Variants in ARHGAP28 observed in about 807,000 individuals in gnomAD.
The protein encoded by ARHGAP28 is Rho GTPase activating protein 28.
Under a neutral mutation model 90.7 loss-of-function variants are expected in ARHGAP28, and 56 were observed. The observed-to-expected ratio is 0.62, with a 90% confidence interval of 0.50 to 0.77. The LOEUF is 0.77. Among genes scored for constraint, ARHGAP28 ranks in the 30% least tolerant of loss-of-function variants. The probability of loss-of-function intolerance (pLI) is 0.00; values close to 1 mark genes in which losing one functional copy is unlikely to be tolerated. For synonymous variants in ARHGAP28, 308 were observed against 323.3 expected (o/e 0.95, Z 0.51); for missense variants, 869 against 900.9 (o/e 0.96, Z 0.45).
At chr18:6,852,116 T>C (rs971052927) in intron 4 of ARHGAP28, among the ~76,000 whole-genome samples, 12 of 152,226 alleles carry the variant, frequency 7.9e-5, no homozygotes, top group African/African-American at 2.7e-4. Context: ...TATAATCTCA[T>C]TAATAGACAA....
At chr18:6,895,025 G>T in intron 15 of ARHGAP28, 134 bp downstream of exon 15, 1 of 880,600 alleles carries the variant, frequency 1.1e-6, no homozygotes. Flanking sequence ...GCACATAAAG[G>T]AATGGTAGAG....
intron 1 of ARHGAP28, among the ~76,000 whole-genome samples, chr18:6,765,403 G>T (rs911008004): frequency 2.6e-5 from 4 of 152,010 alleles, no homozygotes; most frequent in Admixed American, 1.3e-4. Context: ...ATAAGCTGTT[G>T]AATTTCTTGG....
At chr18:6,782,590 G>GTTT (rs1567945690) in intron 1 of ARHGAP28, among the ~76,000 whole-genome samples, 13 of 20,932 alleles carry the variant, frequency 6.2e-4, no homozygotes, top group Admixed American at 1.3e-3. Context: ...GCTAATTTTT[G>GTTT]TATTTTTTTT....
chr18:6,730,221 G>GTGTATATATATATATATA (rs146889070), intron 1 of ARHGAP28: 2 of 172,214 alleles, frequency 1.2e-5, no homozygotes, highest in African/African-American at 5.8e-5. Flanking sequence ...TAAGTCATGT[G>GTGTATATATATATATATA]TATATATATA....
At chr18:6,845,636 C>T (rs1410410307) in intron 3 of ARHGAP28, among the ~76,000 whole-genome samples, 1 of 152,310 alleles carries the variant, frequency 6.6e-6, no homozygotes, top group South Asian at 2.1e-4. Context: ...AATGTGTTCT[C>T]ATCATTCAGC....
At chr18:6,885,259 C>G (rs1487198474) in intron 11 of ARHGAP28, among the ~76,000 whole-genome samples, 1 of 152,158 alleles carries the variant, frequency 6.6e-6, no homozygotes, top group African/African-American at 2.4e-5. Context: ...ACCAGCGAAC[C>G]CTGCAGGAAA....
chr18:6,784,083 A>C (rs11660494), intron 1 of ARHGAP28, among the ~76,000 whole-genome samples: 3 of 151,956 alleles, frequency 2.0e-5, no homozygotes, highest in African/African-American at 7.2e-5. Flanking sequence ...TGAGTTTACT[A>C]TCTACTTTCT....
intron 3 of ARHGAP28, among the ~76,000 whole-genome samples, chr18:6,844,770 T>A (rs769192743): frequency 6.6e-6 from 1 of 151,910 alleles, no homozygotes; most frequent in African/African-American, 2.4e-5. Context: ...GAAAAAAAAA[T>A]TATTTCAAGA....
At chr18:6,886,989 A>G (rs1259790738) in intron 11 of ARHGAP28, among the ~76,000 whole-genome samples, 168 bp from the exon 12 acceptor site, 1 of 152,198 alleles carries the variant, frequency 6.6e-6, no homozygotes, top group Non-Finnish European at 1.5e-5. Flanking sequence ...GTTGATGGAC[A>G]GAGGCTCCTG....
intron 1 of ARHGAP28, among the ~76,000 whole-genome samples, chr18:6,788,213 T>C (rs1415249920): frequency 6.9e-6 from 1 of 145,366 alleles, no homozygotes; most frequent in Non-Finnish European, 1.6e-5. Flanking sequence ...GGAGATCTGG[T>C]TGTTCAAAAG....
At chr18:6,827,832 C>T (rs1200449511) in intron 2 of ARHGAP28, among the ~76,000 whole-genome samples, 3 of 151,642 alleles carry the variant, frequency 2.0e-5, no homozygotes, top group East Asian at 2.0e-4. Flanking sequence ...GATGGGGTCG[C>T]GGCCGGACAG....
At chr18:6,767,084 G>A (rs909962832) in intron 1 of ARHGAP28, among the ~76,000 whole-genome samples, 24 of 151,906 alleles carry the variant, frequency 1.6e-4, no homozygotes, top group African/African-American at 5.8e-4. Flanking sequence ...TTTTACTGGG[G>A]TTTTTTTAGT....
At chr18:6,829,795 C>A (rs1600223810) in intron 2 of ARHGAP28, among the ~76,000 whole-genome samples, 1 of 152,254 alleles carries the variant, frequency 6.6e-6, no homozygotes, top group East Asian at 1.9e-4. Flanking sequence ...TCGTTTATTT[C>A]TTTTTACTAT....
chr18:6,761,744 G>T (rs970548625), intron 1 of ARHGAP28, among the ~76,000 whole-genome samples: 3 of 152,188 alleles, frequency 2.0e-5, no homozygotes, highest in Admixed American at 1.3e-4. Flanking sequence ...CTGAATAGTG[G>T]TTTTCAACTT....
chr18:6,773,085 T>C (rs2056256591), intron 1 of ARHGAP28, among the ~76,000 whole-genome samples: 2 of 152,206 alleles, frequency 1.3e-5, no homozygotes, highest in South Asian at 4.1e-4. Context: ...TAATTAAATA[T>C]GTATTTGTTT....
At chr18:6,858,364 C>G (rs2056970643) in intron 4 of ARHGAP28, among the ~76,000 whole-genome samples, 2 of 152,086 alleles carry the variant, frequency 1.3e-5, no homozygotes, top group Admixed American at 1.3e-4. Flanking sequence ...TTTATCTTAT[C>G]AAACCAATCC....
At chr18:6,841,152 C>CTCTCTCTCCTCTCTCTCTCT (rs1369547091) in intron 3 of ARHGAP28, among the ~76,000 whole-genome samples, 1 of 112,236 alleles carries the variant, frequency 8.9e-6, no homozygotes, top group African/African-American at 3.3e-5. Flanking sequence ...CTGTCTCTCT[C>CTCTCTCTCCTCTCTCTCTCT]CTCTTTCTCT....
chr18:6,751,331 GA>G lies in ARHGAP28; in HGVS notation c.122+21400del, dbSNP rs57503256. On this transcript the variant is annotated intron_variant, in intron 1 of 17. Transcript: ENST00000383472. ...TTGTCAGATTTTTATCTCTTGTAAA[GA>G]AAAAAAAAAAATCCCAAGAGGTGAA... Among the ~76,000 whole-genome samples the G allele has an allele frequency of 6.4e-3, 891 of 138,256 alleles. 6 individuals are homozygous for G. The highest frequency in any genetic ancestry group is 0.013 in the African/African-American group (492 of 38,096). 90.7% of individuals were successfully genotyped at this position (138,256 alleles called of 152,430 possible). A position where few individuals can be genotyped will look rare whatever the true frequency, so the allele number is the denominator to read the frequency against.
At chr18:6,906,890 C>G (rs954399043) in intron 16 of ARHGAP28, among the ~76,000 whole-genome samples, 7 of 151,890 alleles carry the variant, frequency 4.6e-5, no homozygotes, top group African/African-American at 1.7e-4. Flanking sequence ...CAACAAAGGA[C>G]TAGTATCTAG....
Sources: gnomAD v4.1 joint callset for allele counts (sites outside exome capture counted in the v4.1 genomes callset) on GRCh38, gnomAD v4.1.1 for gene constraint, MANE v1.5 for transcripts, NCBI Gene and HGNC (gene_info 2026-07-23, HGNC 2026-07-21) for gene names.